RNF13: variants seen among roughly 807,000 people sequenced by gnomAD.
RNF13 encodes ring finger protein 13, also known as E3 ubiquitin-protein ligase RNF13.
Under a neutral mutation model 37.7 loss-of-function variants are expected in RNF13, and 19 were observed. The ratio of observed to expected loss-of-function variants is 0.50; its 90% CI spans 0.35 to 0.74. The LOEUF (loss-of-function observed/expected upper bound fraction) is 0.74. RNF13 is among the 30% of genes least tolerant of loss of function. The pLI is 0.01. For missense variants in RNF13, 375 were observed against 453.0 expected, an observed-to-expected ratio of 0.83 and a Z score of 1.56; for synonymous variants, 144 against 157.8, an observed-to-expected ratio of 0.91 and a Z score of 0.65.
At chr3:149,957,398 C>CT (rs11415581) in intron 8 of RNF13, among the ~76,000 whole-genome samples, 51,204 of 151,244 alleles carry the variant, frequency 0.34, 10,002 homozygotes, top group East Asian at 0.64. Flanking sequence ...GAGCAACTAG[C>CT]TTTTTTTTTA....
chr3:149,828,473 C>A (rs144020182), intron 1 of RNF13, among the ~76,000 whole-genome samples: 2 of 152,274 alleles, frequency 1.3e-5, no homozygotes, highest in African/African-American at 4.8e-5. Context: ...TTTTGATAAT[C>A]AAGAAAACCA....
chr3:149,939,722 C>T (rs532351180), intron 8 of RNF13: 100 of 779,708 alleles, frequency 1.3e-4, no homozygotes, highest in Admixed American at 7.3e-4. Context: ...TAATCTTTGT[C>T]GGCCTTTTGT....
chr3:149,861,516 A>G (rs562506724), intron 3 of RNF13, among the ~76,000 whole-genome samples: 1 of 152,212 alleles, frequency 6.6e-6, no homozygotes, highest in Non-Finnish European at 1.5e-5. Flanking sequence ...AAGTGGAATT[A>G]TACAGGCAGA....
intron 3 of RNF13, among the ~76,000 whole-genome samples, chr3:149,855,913 T>C (rs1352625646): frequency 1.3e-5 from 2 of 152,218 alleles, no homozygotes; most frequent in Non-Finnish European, 2.9e-5. Context: ...CTAATGATGA[T>C]CTGGCAACCT....
At chr3:149,844,945 T>G (rs187040959) in intron 1 of RNF13, among the ~76,000 whole-genome samples, 3 of 152,086 alleles carry the variant, frequency 2.0e-5, no homozygotes, top group Non-Finnish European at 4.4e-5. Context: ...TTCCCACCTT[T>G]CCCCTCCCTC....
chr3:149,928,721 T>C (rs1457363558), intron 8 of RNF13, among the ~76,000 whole-genome samples: 10 of 152,306 alleles, frequency 6.6e-5, no homozygotes, highest in Middle Eastern at 3.4e-3. Flanking sequence ...AAAAAAGTTA[T>C]AGAATTTTGA....
At position 149,957,571 on chromosome 3, in the gene RNF13, GATCA is replaced by G. The variant is rs1175935070; in HGVS notation, c.701-2484_701-2481del. 2.6e-5 allele frequency among the ~76,000 whole-genome samples: 4 copies of G among 152,212 alleles called. No homozygotes were observed. In the East Asian group the frequency reaches 5.8e-4, roughly 22 times the overall value. Reference sequence around the variant, plus strand: ...ACTAGCCTTTTGTAAGCATGCAGCTGATCATCTGTTGGGACAAAAGCATAAGGTT... The same window carrying G: ...ACTAGCCTTTTGTAAGCATGCAGCTGTCTGTTGGGACAAAAGCATAAGGTT... On this transcript the variant is annotated intron_variant, in intron 8 of 9. Transcript: ENST00000392894.
rs867464965 is a variant in RNF13, at chr3:149,835,669, G to T, written c.-16-10342G>T. Among the ~76,000 whole-genome samples the T allele has an allele frequency of 7.4e-4, 89 of 120,310 alleles. No homozygotes were observed. In the South Asian group the frequency reaches 0.011, roughly 15 times the overall value. 78.9% of individuals were successfully genotyped at this position (120,310 alleles called of 152,430 possible). On this transcript the variant is annotated intron_variant, in intron 1 of 9. Transcript: ENST00000392894. ...TGTGTGTGTGTGTGTGTGTGTGTTT[G>T]TGTGTGTGTGTGTGTATGTGTGTAC...
chr3:149,910,189 G>C (rs1421891515), intron 6 of RNF13, among the ~76,000 whole-genome samples: 3 of 152,162 alleles, frequency 2.0e-5, no homozygotes, highest in African/African-American at 7.2e-5. Context: ...TATGTGCCGG[G>C]AACAGGGATA....
intron 1 of RNF13, among the ~76,000 whole-genome samples, chr3:149,824,646 G>A (rs750745618): frequency 6.7e-6 from 1 of 150,340 alleles, no homozygotes; most frequent in Admixed American, 6.6e-5. Flanking sequence ...AATGACCTCT[G>A]TCCTAGTTTT....
chr3:149,866,132 C>T (rs1233639471), intron 3 of RNF13, among the ~76,000 whole-genome samples: 3 of 152,020 alleles, frequency 2.0e-5, no homozygotes, highest in Non-Finnish European at 4.4e-5. Flanking sequence ...GAAAGGGATC[C>T]TGATCCAGAC....
At chr3:149,939,847 G>T in intron 8 of RNF13, 2 of 495,986 alleles carry the variant, frequency 4.0e-6, no homozygotes, top group South Asian at 3.3e-5. Flanking sequence ...AGAGATAAAC[G>T]ACTGCTGCTC....
At chr3:149,876,987 CCAGGCTAGTCTTGAACTCCTGGCCT>C (rs1437091963) in intron 4 of RNF13, among the ~76,000 whole-genome samples, 1 of 151,884 alleles carries the variant, frequency 6.6e-6, no homozygotes, top group East Asian at 1.9e-4. Flanking sequence ...ATCATGTTGG[CCAGGCTAGTCTTGAACTCCTGGCCT>C]CAGGTGATCC....
intron 6 of RNF13, among the ~76,000 whole-genome samples, chr3:149,907,148 A>T (rs547550468): frequency 2.6e-5 from 4 of 152,152 alleles, no homozygotes; most frequent in African/African-American, 9.7e-5. Flanking sequence ...ATAACCTGCA[A>T]TTTGACTAAA....
At chr3:149,908,020 C>T (rs1041889153) in intron 6 of RNF13, among the ~76,000 whole-genome samples, 1 of 152,188 alleles carries the variant, frequency 6.6e-6, no homozygotes, top group African/African-American at 2.4e-5. Context: ...TACATATTAT[C>T]AGTCTTTTTA....
At chr3:149,921,888 A>G (rs1718162124) in intron 8 of RNF13, among the ~76,000 whole-genome samples, 1 of 152,134 alleles carries the variant, frequency 6.6e-6, no homozygotes, top group Non-Finnish European at 1.5e-5. Context: ...GTCTTCCACA[A>G]TGGTTGAACT....
chr3:149,875,505 A>G (rs1049706976), intron 4 of RNF13, among the ~76,000 whole-genome samples: 4 of 152,204 alleles, frequency 2.6e-5, no homozygotes, highest in African/African-American at 9.6e-5. Flanking sequence ...TTTTCTTCAT[A>G]CAAACCATCC....
chr3:149,900,460 G>C (rs1715705311), intron 5 of RNF13, among the ~76,000 whole-genome samples: 1 of 151,958 alleles, frequency 6.6e-6, no homozygotes, highest in South Asian at 2.1e-4. Flanking sequence ...TGTAGCCCCA[G>C]CTACTTGGGA....
chr3:149,826,530 G>A (rs1720524152), intron 1 of RNF13, among the ~76,000 whole-genome samples: 1 of 152,098 alleles, frequency 6.6e-6, no homozygotes, highest in South Asian at 2.1e-4. Context: ...ATTTTGCTGT[G>A]TAAAAGTAAT....
Sources: gnomAD v4.1 joint callset for allele counts (sites outside exome capture counted in the v4.1 genomes callset) on GRCh38, gnomAD v4.1.1 for gene constraint, MANE v1.5 for transcripts, NCBI Gene and HGNC (gene_info 2026-07-23, HGNC 2026-07-21) for gene names.